KIAA1217: variants seen among roughly 807,000 people sequenced by gnomAD.
KIAA1217 encodes the protein KIAA1217.
A neutral mutation model predicts 163.9 loss-of-function variants in KIAA1217; 88 were observed. The observed-to-expected ratio is 0.54, with a 90% CI of 0.45 to 0.64. The LOEUF (loss-of-function observed/expected upper bound fraction) is 0.64, where lower values mean the gene tolerates loss of function less well. KIAA1217 is among the 30% of genes least tolerant of loss of function. KIAA1217 has a pLI of 0.00. For missense variants in KIAA1217, 2,372 were observed against 2,475.0 expected (o/e 0.96, Z 0.88); for synonymous variants, 903 against 923.1 (o/e 0.98, Z 0.39).
intron 2 of KIAA1217, among the ~76,000 whole-genome samples, chr10:24,370,569 A>G (rs137874934): frequency 6.6e-6 from 1 of 152,258 alleles, no homozygotes; most frequent in African/African-American, 2.4e-5. Context: ...AAACAGCAGT[A>G]TTCTTCATGT....
chr10:24,343,513 T>C (rs545227999), intron 2 of KIAA1217, among the ~76,000 whole-genome samples: 65 of 152,350 alleles, frequency 4.3e-4, no homozygotes, highest in African/African-American at 1.5e-3. Flanking sequence ...GAATTAACTT[T>C]CACACTTTAT....
At chr10:24,151,876 T>C (rs2131860296) in intron 2 of KIAA1217, among the ~76,000 whole-genome samples, 1 of 152,260 alleles carries the variant, frequency 6.6e-6, no homozygotes, top group South Asian at 2.1e-4. Context: ...CACAGCTGGT[T>C]AGTGGCAAAG....
At chr10:23,893,500 G>C (rs544233302) in intron 1 of KIAA1217, among the ~76,000 whole-genome samples, 3 of 151,804 alleles carry the variant, frequency 2.0e-5, no homozygotes, top group Non-Finnish European at 2.9e-5. Context: ...CTTCAGTTCT[G>C]CTCTGATTTT....
intron 2 of KIAA1217, among the ~76,000 whole-genome samples, chr10:24,147,855 AAAAAAAAG>A (rs2064403080): frequency 6.7e-6 from 1 of 150,000 alleles, no homozygotes; most frequent in African/African-American, 2.4e-5. Context: ...AAAAAAAAAA[AAAAAAAAG>A]AAAGAAAGAG....
intron 5 of KIAA1217, among the ~76,000 whole-genome samples, chr10:24,471,411 T>G (rs1396468362): frequency 6.6e-6 from 1 of 152,110 alleles, no homozygotes; most frequent in Non-Finnish European, 1.5e-5. Context: ...ATCTCAGTGG[T>G]CATTTCCCCA....
chr10:24,432,448 G>A (rs1214281170), intron 3 of KIAA1217, among the ~76,000 whole-genome samples: 1 of 151,646 alleles, frequency 6.6e-6, no homozygotes, highest in Admixed American at 6.6e-5. Flanking sequence ...GGCTACCAGA[G>A]GTTTGCTTCT....
At chr10:24,368,129 A>G (rs956932139) in intron 2 of KIAA1217, among the ~76,000 whole-genome samples, 1 of 152,212 alleles carries the variant, frequency 6.6e-6, no homozygotes, top group Non-Finnish European at 1.5e-5. Flanking sequence ...CATCATCCCA[A>G]TTCTGATGAG....
At chr10:23,872,672 G>A (rs185661144) in intron 1 of KIAA1217, among the ~76,000 whole-genome samples, 35 of 152,090 alleles carry the variant, frequency 2.3e-4, no homozygotes, top group Admixed American at 1.3e-3. Context: ...TGAGCTCACC[G>A]AGCTTACTTC....
intron 1 of KIAA1217, among the ~76,000 whole-genome samples, chr10:24,209,699 G>A (rs556474403): frequency 1.2e-4 from 18 of 152,350 alleles, no homozygotes; most frequent in African/African-American, 4.1e-4. Context: ...TGGCTGCAAA[G>A]TTTGTGCAGA....
chr10:24,340,948 A>C (rs1034131252), intron 2 of KIAA1217, among the ~76,000 whole-genome samples: 3 of 151,592 alleles, frequency 2.0e-5, no homozygotes, highest in African/African-American at 7.3e-5. Flanking sequence ...CACGCTTGTA[A>C]ATGTGTCTGA....
At chr10:24,131,772 G>T (rs754645003) in intron 2 of KIAA1217, among the ~76,000 whole-genome samples, 2 of 152,170 alleles carry the variant, frequency 1.3e-5, no homozygotes, top group African/African-American at 4.8e-5. Flanking sequence ...TCATAGAAAG[G>T]AATAGATTGT....
At chr10:24,443,731 T>C (rs886405950) in intron 5 of KIAA1217, among the ~76,000 whole-genome samples, 1 of 152,130 alleles carries the variant, frequency 6.6e-6, no homozygotes, top group African/African-American at 2.4e-5. Flanking sequence ...TCAGGAGATA[T>C]TAAGGGATAG....
chr10:24,413,824 G>A (rs747852720), intron 3 of KIAA1217, among the ~76,000 whole-genome samples: 8 of 152,040 alleles, frequency 5.3e-5, no homozygotes, highest in African/African-American at 1.4e-4. Flanking sequence ...ATAGCAATCC[G>A]CCCACTTCCA....
intron 2 of KIAA1217, among the ~76,000 whole-genome samples, chr10:24,279,637 G>A (rs1339137321): frequency 3.3e-5 from 5 of 152,118 alleles, no homozygotes; most frequent in Non-Finnish European, 5.9e-5. Context: ...CAATCAAAAA[G>A]TGTAATGAAA....
rs535996212 is a variant in KIAA1217 at position 24,154,288 on chromosome 10, C to T, written c.-170-65338C>T. Among the ~76,000 whole-genome samples, 206 of 151,592 alleles carry T rather than the reference C, an allele frequency of 1.4e-3. No homozygotes were observed. In the South Asian group the frequency reaches 0.015, roughly 11 times the overall value. ...TAATTTTTTAAAAAAAGTAGCCAGA[C>T]GTGGTGACACACGCCTGTGTCCCAG... On this transcript the variant is annotated intron_variant, in intron 2 of 18. Transcript: ENST00000376462.
chr10:24,503,218 C>T (rs1202203524), intron 9 of KIAA1217, among the ~76,000 whole-genome samples: 1 of 152,168 alleles, frequency 6.6e-6, no homozygotes, highest in African/African-American at 2.4e-5. Flanking sequence ...GAGACCTGCC[C>T]CAAGGCCCCA....
chr10:23,757,942 G>C (rs1305476676), intron 1 of KIAA1217, among the ~76,000 whole-genome samples: 5 of 152,090 alleles, frequency 3.3e-5, no homozygotes, highest in Non-Finnish European at 7.4e-5. Flanking sequence ...CTTCTATATA[G>C]CTTGGATATT....
At chr10:24,173,831 G>A (rs575179003) in intron 2 of KIAA1217, among the ~76,000 whole-genome samples, 16 of 152,218 alleles carry the variant, frequency 1.1e-4, no homozygotes, top group Admixed American at 1.3e-4. Flanking sequence ...TTTCCTCCAA[G>A]GACTGTGACT....
At chr10:23,698,598 C>T (rs955015994) in intron 1 of KIAA1217, among the ~76,000 whole-genome samples, 6 of 152,166 alleles carry the variant, frequency 3.9e-5, no homozygotes, top group South Asian at 2.1e-4. Flanking sequence ...CGTAGATTAC[C>T]GAGTTTAGAA....
Sources: allele counts gnomAD v4.1 joint callset (sites outside exome capture counted in the v4.1 genomes callset), GRCh38; gene constraint gnomAD v4.1.1; transcripts MANE v1.5; gene names NCBI Gene and HGNC (gene_info 2026-07-23, HGNC 2026-07-21).